The following PLLP variants were observed in gnomAD, a reference collection of about 807,000 sequenced individuals.
PLLP encodes plasmolipin.
PLLP carries 15 observed loss-of-function variants against 19.7 expected under a neutral mutation model. The observed-to-expected ratio is 0.76, with a 90% confidence interval of 0.51 to 1.17. PLLP has a LOEUF of 1.17. PLLP is among the 50% of genes most tolerant of loss of function. PLLP has a pLI of 0.00. For synonymous variants in PLLP, 111 were observed against 116.3 expected (o/e 0.95, Z 0.29); for missense variants, 255 against 258.3 (o/e 0.99, Z 0.09).
intron 1 of PLLP, among the ~76,000 whole-genome samples, chr16:57,275,120 CACACACACAT>C (rs146412986): frequency 0.37 from 55,780 of 149,236 alleles, 10,229 homozygotes; most frequent in East Asian, 0.44. Flanking sequence ...CACACACACA[CACACACACAT>C]GCATTTCAGA....
chr16:57,270,654 G>A (rs1208591514), intron 1 of PLLP, among the ~76,000 whole-genome samples: 1 of 152,062 alleles, frequency 6.6e-6, no homozygotes, highest in Non-Finnish European at 1.5e-5. Context: ...AAAGGGGCAG[G>A]GGACAGAGGC....
rs753173449 is a variant in PLLP, at chr16:57,256,200, C to T, written c.*713G>A. On this transcript the variant is annotated 3_prime_UTR_variant, in exon 4 of 4. Transcript: ENST00000219207. Reference sequence around the variant, plus strand: ...CTTGCTTCCCTCCCTCCTTTGCGTCCCATGTGCCTAGTCAGCAAGGTCGGG... The same window carrying T: ...CTTGCTTCCCTCCCTCCTTTGCGTCTCATGTGCCTAGTCAGCAAGGTCGGG... The T allele has an allele frequency of 2.5e-6, 1 of 395,398 alleles. No homozygotes were observed. Among genetic ancestry groups the T allele is most frequent in the Non-Finnish European group, 4.5e-6 (1 of 224,600 alleles). The allele number at this position is 395,398 out of a possible 1,614,324, so 24.5% of individuals were successfully genotyped here.
rs1272440189 is a variant in PLLP, at chr16:57,256,891, AGG to A, written c.*20_*21del. 2 of 1,532,940 alleles carry A rather than the reference AGG, an allele frequency of 1.3e-6. No homozygotes were observed. The highest frequency in any genetic ancestry group is 9.0e-7 in the Non-Finnish European group (1 of 1,108,386). 95.0% of individuals were successfully genotyped at this position (1,532,940 alleles called of 1,614,324 possible). On this transcript the variant is annotated 3_prime_UTR_variant, in exon 4 of 4. Coordinates refer to ENST00000219207, the MANE Select transcript of PLLP (RefSeq NM_015993.3). ...GACCCAGCGGCGGCTTCAGCCCCAGAGGGGGCCGTGGCACAGGTGGTTTAGGC... is the reference window on the plus strand; with the variant it reads ...GACCCAGCGGCGGCTTCAGCCCCAGAGGGCCGTGGCACAGGTGGTTTAGGC...
At position 57,262,081 on chromosome 16, in the gene PLLP, C is replaced by T; in HGVS notation, c.136-11G>A. The T allele has an allele frequency of 6.2e-7, 1 of 1,613,854 alleles. No individual in the cohort carries two copies. The highest frequency in any genetic ancestry group is 8.5e-7 in the Non-Finnish European group (1 of 1,179,820). On this transcript the variant is annotated splice_polypyrimidine_tract_variant and intron_variant, in intron 1 of 3. Coordinates refer to ENST00000219207, the MANE Select transcript of PLLP (RefSeq NM_015993.3). Reference sequence around the variant, plus strand: ...CAGCAGCCCCAGCACCTAGGAGGGTCAGACAAGGCAGGATTGGCCAGAGAT... The same window carrying T: ...CAGCAGCCCCAGCACCTAGGAGGGTTAGACAAGGCAGGATTGGCCAGAGAT...
chr16:57,258,569 T>C lies in PLLP; in HGVS notation c.325A>G (p.Ile109Val). The C allele has an allele frequency of 1.2e-6, 2 of 1,613,098 alleles. No homozygotes were observed. Among genetic ancestry groups the C allele is most frequent in the Non-Finnish European group, 1.7e-6 (2 of 1,179,904 alleles). The change falls in exon 3 of 4, where the codon ATC (isoleucine) becomes GTC (valine). Residue 109 changes from isoleucine (I) to valine (V), a missense_variant. Ile to Val is a conservative substitution (Grantham distance 29). Coordinates refer to ENST00000219207, the MANE Select transcript of PLLP (RefSeq NM_015993.3). Reference sequence around the variant, plus strand: ...GTGATGTAGAGAACGGTGGCGCTGATGTTAAAGATCATTAACTGCAGGACA... The same window carrying C: ...GTGATGTAGAGAACGGTGGCGCTGACGTTAAAGATCATTAACTGCAGGACA... ...PWPLVLMIFN[I>V]SATVLYITAF...
intron 1 of PLLP, chr16:57,263,441 C>T (rs1470164967): frequency 6.6e-6 from 1 of 152,262 alleles, no homozygotes; most frequent in Non-Finnish European, 1.5e-5. Flanking sequence ...ATATAATGAC[C>T]ATTCCTATCT....
At chr16:57,279,358 C>CCT (rs1311441647) in intron 1 of PLLP, among the ~76,000 whole-genome samples, 13 of 148,554 alleles carry the variant, frequency 8.8e-5, no homozygotes, top group African/African-American at 2.6e-4. Flanking sequence ...TCTTCTTCTT[C>CCT]TTCCTTTTTT....
Position 57,277,754 on chromosome 16 carries a change from A to AG in PLLP, c.135+6651dup, listed in dbSNP as rs34631123. ...GACAGCACCTATCTGTGGTTAAGTG[A>AG]GGATGTGGGTTTTATGTAGAAATAT... On this transcript the variant is annotated intron_variant, in intron 1 of 3. Coordinates refer to ENST00000219207, the MANE Select transcript of PLLP (RefSeq NM_015993.3). 4.8e-3 allele frequency among the ~76,000 whole-genome samples: 736 copies of AG among 152,296 alleles called. 9 individuals are homozygous for AG. The highest frequency in any genetic ancestry group is 0.016 in the African/African-American group (683 of 41,562).
In PLLP at chr16:57,256,593, G is replaced by T; in HGVS notation, c.*320C>A. On this transcript the variant is annotated 3_prime_UTR_variant, in exon 4 of 4. Transcript: ENST00000219207. ...TTAGTGCATTTAGTGCTGGTGAGAA[G>T]GGTGGGCCCCAGTCTTGGACGCTGA... 1 of 331,922 alleles carries T rather than the reference G, an allele frequency of 3.0e-6. No individual in the cohort carries two copies. Among genetic ancestry groups the T allele is most frequent in the Non-Finnish European group, 5.6e-6 (1 of 178,122 alleles). 20.6% of individuals were successfully genotyped at this position (331,922 alleles called of 1,614,324 possible). A position where few individuals can be genotyped will look rare whatever the true frequency, so the allele number is the denominator to read the frequency against.
In PLLP at chr16:57,256,779, G is replaced by A. The variant is rs566067459; in HGVS notation, c.*134C>T. Reference sequence around the variant, plus strand: ...AGCGCTGTGAGAGCTTATGTCTGACGGGCAGAGAGGAGCAAATGCAGTCCC... The same window carrying A: ...AGCGCTGTGAGAGCTTATGTCTGACAGGCAGAGAGGAGCAAATGCAGTCCC... On this transcript the variant is annotated 3_prime_UTR_variant, in exon 4 of 4. Coordinates refer to ENST00000219207, the MANE Select transcript of PLLP (RefSeq NM_015993.3). The A allele has an allele frequency of 6.4e-5, 41 of 637,466 alleles. No individual in the cohort carries two copies. Among genetic ancestry groups the A allele is most frequent in the African/African-American group, 5.6e-4 (31 of 55,138 alleles). The allele number at this position is 637,466 out of a possible 1,614,324, so 39.5% of individuals were successfully genotyped here.
intron 1 of PLLP, 94 bp from the exon 2 acceptor site, chr16:57,262,164 G>A (rs1567529364): frequency 8.0e-7 from 1 of 1,252,176 alleles, no homozygotes; most frequent in South Asian, 1.3e-5. Flanking sequence ...GCTCATGCCT[G>A]TAATGTCAGC....
intron 1 of PLLP, among the ~76,000 whole-genome samples, chr16:57,279,675 G>C (rs1352379552): frequency 2.9e-5 from 3 of 103,288 alleles, no homozygotes; most frequent in Non-Finnish European, 6.3e-5. Context: ...ACCTTGTCTC[G>C]AGGAAAAAAA....
At chr16:57,283,706 C>T (rs1901246439) in intron 1 of PLLP, among the ~76,000 whole-genome samples, 1 of 152,104 alleles carries the variant, frequency 6.6e-6, no homozygotes, top group Non-Finnish European at 1.5e-5. Context: ...GGAGTCTTGC[C>T]CCTGGCTACC....
chr16:57,271,537 C>A (rs931904007), intron 1 of PLLP, among the ~76,000 whole-genome samples: 1 of 151,788 alleles, frequency 6.6e-6, no homozygotes, highest in Non-Finnish European at 1.5e-5. Context: ...CCCAGCTACT[C>A]GGGAGGCTGA....
intron 1 of PLLP, among the ~76,000 whole-genome samples, chr16:57,273,073 A>G (rs1234468468): frequency 6.6e-6 from 1 of 151,980 alleles, no homozygotes; most frequent in Non-Finnish European, 1.5e-5. Flanking sequence ...CCTGGCTAAC[A>G]TGGTGAAACC....
chr16:57,281,572 G>A (rs895503838), intron 1 of PLLP, among the ~76,000 whole-genome samples: 12 of 148,304 alleles, frequency 8.1e-5, no homozygotes, highest in African/African-American at 7.7e-5. Context: ...GTGCCGTGGC[G>A]CCATCTCGGC....
intron 1 of PLLP, among the ~76,000 whole-genome samples, chr16:57,262,339 G>A (rs778393556): frequency 2.6e-4 from 39 of 152,178 alleles, no homozygotes; most frequent in South Asian, 1.7e-3. Context: ...ATCACCTGAG[G>A]TCAGGAGTTC....
At chr16:57,257,805 G>C (rs1335105451) in intron 3 of PLLP, among the ~76,000 whole-genome samples, 1 of 152,180 alleles carries the variant, frequency 6.6e-6, no homozygotes, top group South Asian at 2.1e-4. Flanking sequence ...CTTGTCAGTG[G>C]GAGAGCATGT....
Position 57,257,033 on chromosome 16 carries a change from A to G in PLLP, c.433-4T>C. On this transcript the variant is annotated splice_polypyrimidine_tract_variant and splice_region_variant and intron_variant, in intron 3 of 3. Coordinates refer to ENST00000219207, the MANE Select transcript of PLLP (RefSeq NM_015993.3). ...TCATCACCAAACACGCAAAGAACTG[A>G]AAGAGAGGTGAGAAGGGCTTAAGGA... is the stretch of plus-strand genomic sequence containing the variant. The G allele has an allele frequency of 6.2e-7, 1 of 1,603,898 alleles. No homozygotes were observed.
Sources: gnomAD v4.1 joint callset for allele counts (sites outside exome capture counted in the v4.1 genomes callset) on GRCh38, gnomAD v4.1.1 for gene constraint, MANE v1.5 for transcripts, NCBI Gene and HGNC (gene_info 2026-07-23, HGNC 2026-07-21) for gene names.